ZNF487: variants seen among roughly 807,000 people sequenced by gnomAD.
ZNF487 encodes the protein zinc finger protein 487.
ZNF487 carries 4 observed loss-of-function variants against 3.0 expected under a neutral mutation model. The ratio of observed to expected loss-of-function variants is 1.35; its 90% CI spans 0.66 to 3.08. ZNF487 has a LOEUF of 3.08. Ranked by LOEUF, ZNF487 falls within the 30% of genes most tolerant of loss-of-function variation. ZNF487 has a pLI of 0.01. For missense variants in ZNF487, 146 were observed against 98.7 expected (o/e 1.48, Z -2.03); for synonymous variants, 55 against 34.6 (o/e 1.59, Z -2.06).
At chr10:43,439,249 A>T (rs1839490708) in intron 1 of ZNF487, among the ~76,000 whole-genome samples, 1 of 152,014 alleles carries the variant, frequency 6.6e-6, no homozygotes, top group Non-Finnish European at 1.5e-5. Flanking sequence ...CTCAAAAAAA[A>T]ATCAGCTGGG....
intron 1 of ZNF487, among the ~76,000 whole-genome samples, chr10:43,464,334 C>T (rs555550341): frequency 1.3e-5 from 2 of 151,746 alleles, no homozygotes; most frequent in Non-Finnish European, 2.9e-5. Context: ...AGGTGTGTGC[C>T]ACCATGCCCG....
At chr10:43,437,086 G>C (rs1839413084), upstream of ZNF487, 1 of 303,668 alleles carries the variant, frequency 3.3e-6, no homozygotes, top group African/African-American at 2.4e-5. Flanking sequence ...ATTCGCGCAG[G>C]CCCCGCCCCT....
chr10:43,452,936 T>A (rs1028445109), intron 1 of ZNF487: 1 of 152,128 alleles, frequency 6.6e-6, no homozygotes, highest in African/African-American at 2.4e-5. Flanking sequence ...TTTTCTTTTT[T>A]TGGTGGTTGG....
the ZNF487 span, among the ~76,000 whole-genome samples, chr10:43,517,988 A>C: frequency 2.0e-5 from 3 of 152,202 alleles, no homozygotes; most frequent in Admixed American, 1.3e-4. Context: ...ACCAGTGGCC[A>C]CTTTCAGGCA....
intron 3 of ZNF487, among the ~76,000 whole-genome samples, chr10:43,478,741 C>T (rs551367086): frequency 1.3e-5 from 2 of 151,580 alleles, no homozygotes; most frequent in Non-Finnish European, 2.9e-5. Flanking sequence ...AAAAATCAAG[C>T]TATATGGAGT....
At chr10:43,490,890 T>C in the ZNF487 span, among the ~76,000 whole-genome samples, 3 of 150,730 alleles carry the variant, frequency 2.0e-5, no homozygotes, top group Admixed American at 2.0e-4. Context: ...GTCAGGCTGG[T>C]CTCGAACTCC....
At chr10:43,514,651 C>T in the ZNF487 span, among the ~76,000 whole-genome samples, 18 of 152,200 alleles carry the variant, frequency 1.2e-4, no homozygotes, top group African/African-American at 3.9e-4. Context: ...GCCCACCTTG[C>T]CTTTGATGGT....
chr10:43,447,328 C>T (rs1303790535), intron 1 of ZNF487, among the ~76,000 whole-genome samples: 2 of 151,964 alleles, frequency 1.3e-5, no homozygotes, highest in Admixed American at 1.3e-4. Context: ...CTGTAACCTC[C>T]ACCTCACGGA....
chr10:43,455,581 G>A (rs1490266204), intron 1 of ZNF487, among the ~76,000 whole-genome samples: 1 of 152,242 alleles, frequency 6.6e-6, no homozygotes, highest in Non-Finnish European at 1.5e-5. Context: ...GGCGAGGCGA[G>A]GTTGTGTCGC....
chr10:43,498,099 ATTTTTTTTTTTTTTCTTT>A, the ZNF487 span, among the ~76,000 whole-genome samples: 295 of 20,098 alleles, frequency 0.015, 3 homozygotes, highest in East Asian at 0.077. Context: ...ATATATATAT[ATTTTTTTTTTTTTTCTTT>A]TTTTTTTTTT....
At chr10:43,443,141 C>T (rs1170647396) in intron 1 of ZNF487, among the ~76,000 whole-genome samples, 2 of 145,730 alleles carry the variant, frequency 1.4e-5, no homozygotes, top group South Asian at 2.2e-4. Context: ...CTGCTCACTG[C>T]AACCTCTGCC....
intron 1 of ZNF487, among the ~76,000 whole-genome samples, chr10:43,456,433 C>G (rs145764675): frequency 1.1e-4 from 17 of 152,304 alleles, no homozygotes; most frequent in African/African-American, 3.8e-4. Flanking sequence ...GCCACCCCAG[C>G]TGACTCAACA....
chr10:43,469,125 T>C (rs757924289), intron 1 of ZNF487, among the ~76,000 whole-genome samples: 3 of 151,928 alleles, frequency 2.0e-5, no homozygotes, highest in Non-Finnish European at 4.4e-5. Context: ...GTCATCAACA[T>C]TGAGGCAAGA....
chr10:43,475,675 C>T (rs1841070833), intron 1 of ZNF487, 46 bp from the exon 2 acceptor site: 2 of 765,746 alleles, frequency 2.6e-6, no homozygotes, highest in Non-Finnish European at 2.4e-6. Flanking sequence ...GTTGTATGCT[C>T]TCCACTTCTG....
the ZNF487 span, among the ~76,000 whole-genome samples, chr10:43,491,580 CACA>C: frequency 3.3e-5 from 5 of 151,702 alleles, no homozygotes; most frequent in Non-Finnish European, 4.4e-5. Context: ...ACACTTCGAG[CACA>C]ACATGTCCGA....
intron 1 of ZNF487, among the ~76,000 whole-genome samples, chr10:43,464,864 C>A (rs534687035): frequency 1.2e-4 from 19 of 152,256 alleles, no homozygotes; most frequent in African/African-American, 4.1e-4. Flanking sequence ...CATCATGGCC[C>A]GTTCTTAATG....
chr10:43,468,369 C>A (rs544500799), intron 1 of ZNF487, among the ~76,000 whole-genome samples: 82 of 152,088 alleles, frequency 5.4e-4, no homozygotes, highest in Non-Finnish European at 1.5e-4. Flanking sequence ...TCTCATGCTA[C>A]AGAGAAATCT....
At chr10:43,515,786 CT>C in the ZNF487 span, among the ~76,000 whole-genome samples, 2 of 151,136 alleles carry the variant, frequency 1.3e-5, no homozygotes, top group African/African-American at 4.9e-5. Context: ...TTCATTTTCT[CT>C]TTTTTTTTGA....
chr10:43,442,256 C>A lies in ZNF487; in HGVS notation c.-94+4994C>A, dbSNP rs959198320. Reference sequence around the variant, plus strand: ...GTCTCTAAAACAACAACAACAACAACAACAACAACAACAAAAAAAAAACAA... The same window carrying A: ...GTCTCTAAAACAACAACAACAACAAAAACAACAACAACAAAAAAAAAACAA... On this transcript the variant is annotated intron_variant, in intron 1 of 3. Transcript: ENST00000437590. Among the ~76,000 whole-genome samples, 19 of 148,142 alleles carry A rather than the reference C, an allele frequency of 1.3e-4. 1 individual carries two copies. Among genetic ancestry groups the A allele is most frequent in the Middle Eastern group, 3.2e-3 (1 of 314 alleles).
Sources: gnomAD v4.1 joint callset for allele counts (sites outside exome capture counted in the v4.1 genomes callset) on GRCh38, gnomAD v4.1.1 for gene constraint, MANE v1.5 for transcripts, NCBI Gene and HGNC (gene_info 2026-07-23, HGNC 2026-07-21) for gene names.